The following PICK1 variants were observed in gnomAD, a reference collection of about 807,000 sequenced individuals.
PICK1 encodes PRKCA-binding protein.
A neutral mutation model predicts 48.9 loss-of-function variants in PICK1; 23 were observed. The observed-to-expected ratio is 0.47, with a 90% confidence interval of 0.34 to 0.67. PICK1 has a LOEUF of 0.67. PICK1 is among the 30% of genes least tolerant of loss of function. PICK1 has a pLI of 0.01. For synonymous variants in PICK1, 217 were observed against 228.2 expected (o/e 0.95, Z 0.44); for missense variants, 423 against 557.1 (o/e 0.76, Z 2.42).
chr22:38,071,402 G>A (rs147424665), intron 7 of PICK1, among the ~76,000 whole-genome samples: 1 of 152,308 alleles, frequency 6.6e-6, no homozygotes, highest in East Asian at 1.9e-4. Context: ...TAAACATAGC[G>A]AGAGTCCCCC....
chr22:38,059,923 A>G (rs2085358078), intron 3 of PICK1, among the ~76,000 whole-genome samples: 2 of 152,202 alleles, frequency 1.3e-5, no homozygotes, highest in South Asian at 2.1e-4. Context: ...AAGTTAAGAA[A>G]CGTGCATTGG....
At chr22:38,058,009 A>C in intron 2 of PICK1, 159 bp downstream of exon 2, 1 of 715,636 alleles carries the variant, frequency 1.4e-6, no homozygotes, top group East Asian at 2.7e-5. Flanking sequence ...CACTATTTGT[A>C]GGGGGCTGTG....
intron 4 of PICK1, among the ~76,000 whole-genome samples, chr22:38,065,545 G>A (rs753467222): frequency 1.3e-5 from 2 of 152,174 alleles, no homozygotes; most frequent in African/African-American, 2.4e-5. Flanking sequence ...AGGGCTAGGA[G>A]GGAAAGAAGA....
chr22:38,072,124 A>AT, intron 8 of PICK1: 1 of 491,852 alleles, frequency 2.0e-6, no homozygotes, highest in Non-Finnish European at 3.7e-6. Flanking sequence ...TGTTGTTCCA[A>AT]TCCAGGTGTC....
Position 38,074,503 on chromosome 22 carries a change from T to C in PICK1, c.979+52T>C, listed in dbSNP as rs1205007011. ...CTCTCCATTTCAGAGGTGGGAAAAC[T>C]GAGGCCCAGAGGGGTACTCTCAGGG... is the stretch of plus-strand genomic sequence containing the variant. On this transcript the variant is annotated intron_variant, in intron 12 of 12. Transcript: ENST00000356976. This position sits in a 1 kb window ranked among gnomAD's most constrained non-coding sequence, Gnocchi z 4.5. 10 of 1,467,864 alleles carry C rather than the reference T, an allele frequency of 6.8e-6. No individual in the cohort carries two copies. Among genetic ancestry groups the C allele is most frequent in the Non-Finnish European group, 9.4e-6 (10 of 1,065,472 alleles). 90.9% of individuals were successfully genotyped at this position (1,467,864 alleles called of 1,614,324 possible). A position where few individuals can be genotyped will look rare whatever the true frequency, so the allele number is the denominator to read the frequency against.
At position 38,075,068 on chromosome 22, in the gene PICK1, C is replaced by A; in HGVS notation, c.1184C>A (p.Pro395Gln). ...EEEEDTAAGEPSRDTRGAAGP... is the reference protein window; with the variant it reads ...EEEEDTAAGEQSRDTRGAAGP... ...GAGGAAGACACGGCAGCTGGGGAGC[C>A]GTCCAGGGATACACGAGGGGCTGCT... Residue 395 changes from proline (P) to glutamine (Q), a missense_variant, in exon 13 of 13, where the codon CCG becomes CAG. Around this residue, in one of 2 missense-constraint regions of PICK1, gnomAD observed 144 missense variants for 139.3 expected, o/e 1.03. Coordinates refer to ENST00000356976, the MANE Select transcript of PICK1 (RefSeq NM_012407.4). The A allele has an allele frequency of 6.2e-7, 1 of 1,612,956 alleles. No homozygotes were observed. Among genetic ancestry groups the A allele is most frequent in the Non-Finnish European group, 8.5e-7 (1 of 1,179,964 alleles).
Position 38,059,219 on chromosome 22 carries a change from T to G in PICK1, c.42-15T>G. 2 of 1,553,006 alleles carry G rather than the reference T, an allele frequency of 1.3e-6. No individual in the cohort carries two copies. Among genetic ancestry groups the G allele is most frequent in the Non-Finnish European group, 8.7e-7 (1 of 1,144,336 alleles). ...TTCTGCCAGGAGAGTCAGCCTAGCT[T>G]GCTTTCCTTTCTAGCGGAATCCCGA... On this transcript the variant is annotated splice_polypyrimidine_tract_variant and intron_variant, in intron 2 of 12. Coordinates refer to ENST00000356976, the MANE Select transcript of PICK1 (RefSeq NM_012407.4).
At position 38,072,621 on chromosome 22, in the gene PICK1, T is replaced by C. The variant is rs201543899; in HGVS notation, c.690+11T>C. 4 of 1,612,856 alleles carry C rather than the reference T, an allele frequency of 2.5e-6. No homozygotes were observed. Among genetic ancestry groups the C allele is most frequent in the Admixed American group, 1.7e-5 (1 of 60,024 alleles). On this transcript the variant is annotated intron_variant, in intron 9 of 12. Transcript: ENST00000356976. ...AAAACCATCAAGCCGGTAGGTCCTA[T>C]TGAGCATGTGTGTGTCTGGCGTGTG...
rs755205843 is a variant in PICK1 at position 38,072,659 on chromosome 22, GGA to G, written c.690+53_690+54del. 6 of 1,606,386 alleles carry G rather than the reference GGA, an allele frequency of 3.7e-6. No homozygotes were observed. The African/African-American group carries it at 4.0e-5, about 11-fold the overall frequency. On this transcript the variant is annotated intron_variant, in intron 9 of 12. Coordinates refer to ENST00000356976, the MANE Select transcript of PICK1 (RefSeq NM_012407.4). ...TGTCTGGCGTGTGAGGGTGGGGAGG[GGA>G]GAGTGTGGCATGCAGAGAAGGTCGT...
At chr22:38,069,245 C>G in intron 6 of PICK1, 123 bp downstream of exon 6, 1 of 714,252 alleles carries the variant, frequency 1.4e-6, no homozygotes. Flanking sequence ...GGCCTCTGCC[C>G]GTGGAACTGA....
Position 38,074,499 on chromosome 22 carries a change from A to T in PICK1, c.979+48A>T, listed in dbSNP as rs558708602. 6.2e-7 allele frequency: 1 copy of T among 1,608,042 alleles called. No homozygotes were observed. On this transcript the variant is annotated intron_variant, in intron 12 of 12. Coordinates refer to ENST00000356976, the MANE Select transcript of PICK1 (RefSeq NM_012407.4). This position sits in a 1 kb window ranked among gnomAD's most constrained non-coding sequence, Gnocchi z 4.5. ...TCCGCTCTCCATTTCAGAGGTGGGA[A>T]AACTGAGGCCCAGAGGGGTACTCTC...
intron 3 of PICK1, among the ~76,000 whole-genome samples, chr22:38,061,499 C>T (rs925794282): frequency 1.9e-4 from 29 of 152,048 alleles, no homozygotes; most frequent in Admixed American, 1.2e-3. Context: ...GCACCTCACC[C>T]GGCTTTCTCT....
rs1408284648 is a variant in PICK1, at chr22:38,071,723, G to A, written c.535G>A (p.Glu179Lys). The change falls in exon 8 of 13, where the codon GAG becomes AAG. Residue 179 changes from glutamate to lysine, a missense_variant. By Grantham distance (56) the Glu-to-Lys change is moderately conservative. This residue lies in a region of PICK1 where 279 missense variants were observed against 417.8 expected (regional missense o/e 0.67). Transcript: ENST00000356976. ...HTKNLLRAFY[E>K]LSQTHRAFGD... ...CAAGAACCTCCTACGGGCCTTTTAT[G>A]AGCTGTCGCAGACTCACCGGGGTAA... 6.2e-7 allele frequency: 1 copy of A among 1,613,586 alleles called. No homozygotes were observed. Among genetic ancestry groups the A allele is most frequent in the Non-Finnish European group, 8.5e-7 (1 of 1,179,936 alleles).
intron 3 of PICK1, among the ~76,000 whole-genome samples, chr22:38,061,024 C>T (rs2085387945): frequency 1.3e-5 from 2 of 151,906 alleles, no homozygotes; most frequent in South Asian, 2.1e-4. Context: ...GCTAGGATTA[C>T]AGGCATGAAC....
chr22:38,070,120 TGCCCAGA>T (rs1281041039), intron 6 of PICK1, among the ~76,000 whole-genome samples: 1 of 152,180 alleles, frequency 6.6e-6, no homozygotes, highest in Admixed American at 6.5e-5. Context: ...GCCACCTCCC[TGCCCAGA>T]GAGGCCTGAA....
chr22:38,062,528 G>A (rs1452695942), intron 3 of PICK1, among the ~76,000 whole-genome samples: 5 of 152,214 alleles, frequency 3.3e-5, no homozygotes, highest in Admixed American at 6.5e-5. Flanking sequence ...GATTACAGGC[G>A]TGAGCCACCA....
chr22:38,068,721 C>G, intron 5 of PICK1, among the ~76,000 whole-genome samples: 1 of 152,220 alleles, frequency 6.6e-6, no homozygotes, highest in Non-Finnish European at 1.5e-5. Flanking sequence ...GGGGAAGAGG[C>G]CTCCTTGGCT....
chr22:38,069,677 TAAA>T (rs2085628458), intron 6 of PICK1, among the ~76,000 whole-genome samples: 1 of 152,150 alleles, frequency 6.6e-6, no homozygotes, highest in Non-Finnish European at 1.5e-5. Flanking sequence ...GGGGTAGATA[TAAA>T]TACTTCTAGA....
chr22:38,058,256 T>C (rs982529105), intron 2 of PICK1: 3 of 267,512 alleles, frequency 1.1e-5, no homozygotes, highest in Non-Finnish European at 2.2e-5. Flanking sequence ...ATATCCTCTT[T>C]CAGATCAAGG....
Sources: allele counts gnomAD v4.1 joint callset (sites outside exome capture counted in the v4.1 genomes callset), GRCh38; gene constraint gnomAD v4.1.1; regional missense constraint gnomAD v4.1.1; non-coding constraint Gnocchi (gnomAD v3.1); transcripts MANE v1.5; gene names NCBI Gene and HGNC (gene_info 2026-07-23, HGNC 2026-07-21).